DAB1: variants seen among roughly 807,000 people sequenced by gnomAD.
The protein encoded by DAB1 is disabled homolog 1.
Under a neutral mutation model 64.6 loss-of-function variants are expected in DAB1, and 15 were observed. The observed-to-expected ratio is 0.23, with a 90% confidence interval of 0.16 to 0.36. The LOEUF (loss-of-function observed/expected upper bound fraction) is 0.36, where lower values mean the gene tolerates loss of function less well. Ranked by LOEUF, DAB1 falls within the 10% of genes least tolerant of loss-of-function variation. DAB1 has a pLI of 1.00. For synonymous variants in DAB1, 235 were observed against 251.9 expected, an observed-to-expected ratio of 0.93 and a Z score of 0.64; for missense variants, 596 against 706.7, an observed-to-expected ratio of 0.84 and a Z score of 1.78.
intron 3 of DAB1, among the ~76,000 whole-genome samples, chr1:58,441,375 C>T (rs1645006155): frequency 6.6e-6 from 1 of 152,208 alleles, no homozygotes; most frequent in Non-Finnish European, 1.5e-5. Context: ...CTGCCTCTCT[C>T]AGTGCCGGCT....
chr1:58,458,344 G>A (rs924621755), intron 3 of DAB1, among the ~76,000 whole-genome samples: 1 of 152,222 alleles, frequency 6.6e-6, no homozygotes, highest in Non-Finnish European at 1.5e-5. Context: ...ACCCCTCAAA[G>A]ATCCTTTGGA....
At chr1:57,829,741 A>G (rs1160133233) in intron 1 of DAB1, among the ~76,000 whole-genome samples, 1 of 152,058 alleles carries the variant, frequency 6.6e-6, no homozygotes, top group Non-Finnish European at 1.5e-5. Flanking sequence ...CCACCCAGAG[A>G]TTTCCACCCC....
At chr1:58,254,549 C>T (rs545081881) in intron 4 of DAB1, among the ~76,000 whole-genome samples, 1 of 97,296 alleles carries the variant, frequency 1.0e-5, no homozygotes, top group South Asian at 4.9e-4. Context: ...CCCCCTCCCC[C>T]CACCCCACCA....
At chr1:58,234,871 A>G (rs571466618) in intron 4 of DAB1, among the ~76,000 whole-genome samples, 23 of 152,312 alleles carry the variant, frequency 1.5e-4, no homozygotes, top group Non-Finnish European at 2.8e-4. Context: ...GTGGATTCCT[A>G]GATTCTGTAG....
At chr1:57,918,078 T>A (rs1464521154) in intron 5 of DAB1, among the ~76,000 whole-genome samples, 1 of 147,578 alleles carries the variant, frequency 6.8e-6, no homozygotes, top group East Asian at 2.0e-4. Context: ...AATAAATAAA[T>A]AAATAAATAA....
At chr1:58,046,925 T>A (rs1218807926) in intron 5 of DAB1, among the ~76,000 whole-genome samples, 1 of 152,172 alleles carries the variant, frequency 6.6e-6, no homozygotes, top group African/African-American at 2.4e-5. Context: ...GAAACTGAAG[T>A]TCAAAGCCCA....
intron 3 of DAB1, among the ~76,000 whole-genome samples, chr1:58,437,888 G>A (rs1222632483): frequency 2.0e-5 from 3 of 152,122 alleles, no homozygotes; most frequent in Non-Finnish European, 4.4e-5. Flanking sequence ...CCATCTCCAC[G>A]TCCTAGGTGG....
At position 57,865,949 on chromosome 1, in the gene DAB1, G is replaced by C. The variant is rs538984509; in HGVS notation, n.87+18050C>G. On this transcript the variant is annotated intron_variant and non_coding_transcript_variant, in intron 1 of 1. Coordinates refer to the DAB1 transcript ENST00000477280. ...CCAGCAGATTTGGTGTTTCATGATA[G>C]CTAGCTTTCTGATTCAAAGATGGTG... Among the ~76,000 whole-genome samples the C allele has an allele frequency of 1.3e-3, 203 of 152,288 alleles. 1 individual carries two copies. The highest frequency in any genetic ancestry group is 2.3e-3 in the South Asian group (11 of 4,824).
intron 1 of DAB1, among the ~76,000 whole-genome samples, chr1:57,301,498 A>G (rs1176982425): frequency 1.3e-5 from 2 of 152,204 alleles, no homozygotes; most frequent in African/African-American, 4.8e-5. Flanking sequence ...AGAGTGTTTG[A>G]GTAACACGAA....
At chr1:57,783,815 A>C (rs1235717573) in intron 6 of DAB1, among the ~76,000 whole-genome samples, 3 of 152,210 alleles carry the variant, frequency 2.0e-5, no homozygotes, top group Non-Finnish European at 2.9e-5. Flanking sequence ...AGGGCACCAC[A>C]AACTGCACCC....
At chr1:57,316,439 G>A (rs144198403) in intron 1 of DAB1, among the ~76,000 whole-genome samples, 1 of 152,102 alleles carries the variant, frequency 6.6e-6, no homozygotes, top group East Asian at 1.9e-4. Context: ...ATTTTCTCTT[G>A]GACAGCAATT....
At chr1:57,112,971 A>AT in intron 4 of DAB1, among the ~76,000 whole-genome samples, 1 of 152,236 alleles carries the variant, frequency 6.6e-6, no homozygotes, top group Middle Eastern at 3.2e-3. Flanking sequence ...GACTAACAAA[A>AT]TTAAATAGAA....
rs140601881 is a variant in DAB1, at chr1:58,245,532, C to T, written n.310-94944G>A. On this transcript the variant is annotated intron_variant and non_coding_transcript_variant, in intron 4 of 20. Transcript: ENST00000485760. ...AGGGCATATGAAGCCGAGTTAGATG[C>T]CCTGCCTCTGGGTGCTCACAGATCC... Among the ~76,000 whole-genome samples, 803 of 152,280 alleles carry T rather than the reference C, an allele frequency of 5.3e-3. 29 individuals carry two copies. Among genetic ancestry groups the T allele is most frequent in the Admixed American group, 0.046 (711 of 15,298 alleles).
At chr1:57,610,938 T>C (rs1645718269) in intron 7 of DAB1, among the ~76,000 whole-genome samples, 1 of 152,154 alleles carries the variant, frequency 6.6e-6, no homozygotes, top group Non-Finnish European at 1.5e-5. Context: ...GTGCCTTGAG[T>C]GCTTAACTTT....
At chr1:58,296,303 T>C (rs1661992701) in intron 4 of DAB1, among the ~76,000 whole-genome samples, 2 of 151,026 alleles carry the variant, frequency 1.3e-5, no homozygotes, top group Admixed American at 6.6e-5. Flanking sequence ...GTGTCCACAG[T>C]GGTATAGAGC....
chr1:58,211,508 G>T (rs548502901), intron 4 of DAB1, among the ~76,000 whole-genome samples: 2 of 152,276 alleles, frequency 1.3e-5, no homozygotes, highest in East Asian at 3.9e-4. Context: ...ACAATTGCTA[G>T]CTGTAACTCA....
chr1:58,091,968 A>ACACACACACACACACACAC (rs1553159212), intron 5 of DAB1, among the ~76,000 whole-genome samples: 3 of 151,356 alleles, frequency 2.0e-5, no homozygotes, highest in Admixed American at 6.6e-5. Context: ...ACACACACAC[A>ACACACACACACACACACAC]AACTAACATA....
intron 1 of DAB1, among the ~76,000 whole-genome samples, chr1:57,857,892 G>T (rs1569858677): frequency 7.2e-6 from 1 of 138,358 alleles, no homozygotes; most frequent in Non-Finnish European, 1.6e-5. Flanking sequence ...AAAGACCTTA[G>T]AAGTAATCTG....
chr1:57,089,372 T>C (rs528363304), intron 4 of DAB1, among the ~76,000 whole-genome samples: 125 of 152,236 alleles, frequency 8.2e-4, no homozygotes, highest in African/African-American at 2.3e-3. Flanking sequence ...GGGTAATTTA[T>C]AACAAAAAGA....
Sources: allele counts gnomAD v4.1 joint callset (sites outside exome capture counted in the v4.1 genomes callset), GRCh38; gene constraint gnomAD v4.1.1; transcripts MANE v1.5; gene names NCBI Gene and HGNC (gene_info 2026-07-23, HGNC 2026-07-21).